TPCN2: variants seen among roughly 807,000 people sequenced by gnomAD.
TPCN2 encodes two pore channel protein 2.
In TPCN2, 92 loss-of-function variants were observed where a neutral mutation model predicts 111.4. The observed-to-expected ratio is 0.83, with a 90% CI of 0.70 to 0.98. The LOEUF (loss-of-function observed/expected upper bound fraction) is 0.98, where lower values mean the gene tolerates loss of function less well. Among genes scored for constraint, TPCN2 ranks in the 50% least tolerant of loss-of-function variants. The pLI is 0.00. For missense variants in TPCN2, 995 were observed against 980.1 expected, an observed-to-expected ratio of 1.02 and a Z score of -0.20; for synonymous variants, 405 against 414.5, an observed-to-expected ratio of 0.98 and a Z score of 0.28.
intron 5 of TPCN2, among the ~76,000 whole-genome samples, chr11:69,058,097 G>T (rs1854855317): frequency 2.0e-5 from 3 of 152,204 alleles, no homozygotes; most frequent in Non-Finnish European, 1.5e-5. Flanking sequence ...CAGTGAGAAA[G>T]CCCCCTCACC....
intron 11 of TPCN2, 111 bp downstream of exon 11, chr11:69,072,134 G>C (rs991624559): frequency 1.1e-6 from 1 of 883,598 alleles, no homozygotes; most frequent in Non-Finnish European, 1.7e-6. Context: ...CCTCGCCCCT[G>C]CTGGCTGGCA....
chr11:69,087,834 C>T (rs1345971431), intron 24 of TPCN2, 41 bp from the exon 25 acceptor site: 1 of 1,556,486 alleles, frequency 6.4e-7, no homozygotes, highest in Admixed American at 1.8e-5. Context: ...GGGTCTCCCT[C>T]CTTTAGAGGC....
chr11:69,075,730 G>A (rs1287952650), intron 13 of TPCN2, among the ~76,000 whole-genome samples: 3 of 152,210 alleles, frequency 2.0e-5, no homozygotes, highest in African/African-American at 4.8e-5. Flanking sequence ...CAGCCTGGCC[G>A]TGGCCAGGGA....
chr11:69,062,965 C>T lies in TPCN2; in HGVS notation c.628C>T (p.Arg210Cys), dbSNP rs540210379. ...GATGAAGAAGACCTTGAAATGCATCCGCTGGTCGCTGCCGGAAATGGCCAG... is the reference window on the plus strand; with the variant it reads ...GATGAAGAAGACCTTGAAATGCATCTGCTGGTCGCTGCCGGAAATGGCCAG... ...SMMKKTLKCIRWSLPEMASVG... is the reference protein window; with the variant it reads ...SMMKKTLKCICWSLPEMASVG... Residue 210 changes from arginine (R) to cysteine (C), a missense_variant, in exon 6 of 25, where the codon CGC (arginine) becomes TGC (cysteine). Transcript: ENST00000294309. 4 of 1,613,922 alleles carry T rather than the reference C, an allele frequency of 2.5e-6. No homozygotes were observed. The highest frequency in any genetic ancestry group is 1.1e-5 in the South Asian group (1 of 91,078).
chr11:69,078,379 T>G (rs999183092), intron 13 of TPCN2, 103 bp from the exon 14 acceptor site: 36 of 1,436,292 alleles, frequency 2.5e-5, no homozygotes, highest in East Asian at 1.7e-4. Context: ...GGAGATGGGG[T>G]AGGAAAAAAT....
intron 13 of TPCN2, 33 bp from the exon 14 acceptor site, chr11:69,078,449 C>T: frequency 6.2e-7 from 1 of 1,612,322 alleles, no homozygotes; most frequent in South Asian, 1.1e-5. Context: ...GGCTGCTGGC[C>T]TGTGCTTCTG....
chr11:69,076,538 GCCTGCCCTCCTGCTCTGTCCCTCCA>G (rs879893085), intron 13 of TPCN2, among the ~76,000 whole-genome samples: 71,444 of 145,010 alleles, frequency 0.49, 23,287 homozygotes, highest in Non-Finnish European at 0.61. Flanking sequence ...CGCAGGGGAG[GCCTGCCCTCCTGCTCTGTCCCTCCA>G]CCTGCCCTCC....
chr11:69,081,175 G>A (rs1855990901), intron 17 of TPCN2, among the ~76,000 whole-genome samples: 1 of 152,094 alleles, frequency 6.6e-6, no homozygotes, highest in Non-Finnish European at 1.5e-5. Context: ...TGGGGGGATG[G>A]GGGTCGCTCC....
chr11:69,085,190 C>T lies in TPCN2; in HGVS notation c.1762-20C>T. 5 of 1,613,518 alleles carry T rather than the reference C, an allele frequency of 3.1e-6. No homozygotes were observed. The highest frequency in any genetic ancestry group is 4.2e-6 in the Non-Finnish European group (5 of 1,179,480). The stretch of plus-strand genomic sequence containing the variant: ...CACCCATGGGTGGGGCTGATCAGTC[C>T]CCGGCTCCTGGCCCGCCAGGTGGTC... On this transcript the variant is annotated intron_variant, in intron 19 of 24. Transcript: ENST00000294309.
chr11:69,066,713 G>T (rs80164569), intron 7 of TPCN2, among the ~76,000 whole-genome samples: 4 of 152,282 alleles, frequency 2.6e-5, no homozygotes, highest in African/African-American at 9.6e-5. Context: ...AGGTTGCTTT[G>T]TGTGCCAAGT....
At chr11:69,083,924 G>A (rs1490591047) in intron 18 of TPCN2, 21 bp from the exon 19 acceptor site, 3 of 1,612,506 alleles carry the variant, frequency 1.9e-6, no homozygotes, top group Non-Finnish European at 2.5e-6. Flanking sequence ...AGTAAGGGCT[G>A]TGCTCTCTTC....
At position 69,087,981 on chromosome 11, in the gene TPCN2, G is replaced by C. The variant is rs765273045; in HGVS notation, c.*28G>C. 6.3e-7 allele frequency: 1 copy of C among 1,589,014 alleles called. No homozygotes were observed. The highest frequency in any genetic ancestry group is 8.6e-7 in the Non-Finnish European group (1 of 1,168,702). Reference sequence around the variant, plus strand: ...TCCGGGCTGCCGTCCCAGCAGGGGCGGCAGGAGAGAGAGGCTGGCCTACAC... The same window carrying C: ...TCCGGGCTGCCGTCCCAGCAGGGGCCGCAGGAGAGAGAGGCTGGCCTACAC... On this transcript the variant is annotated 3_prime_UTR_variant, in exon 25 of 25. Coordinates refer to ENST00000294309, the MANE Select transcript of TPCN2 (RefSeq NM_139075.4).
In TPCN2 at chr11:69,089,926, T is replaced by G. The variant is rs916713080; in HGVS notation, c.*1973T>G. On this transcript the variant is annotated 3_prime_UTR_variant, in exon 25 of 25. Coordinates refer to ENST00000294309, the MANE Select transcript of TPCN2 (RefSeq NM_139075.4). The stretch of plus-strand genomic sequence containing the variant: ...TCTTCTGCCTTTTGTGTTTTTTTTG[T>G]TATGTACCTACAGTTCTTTAGCTGT... 1.3e-5 allele frequency: 2 copies of G among 152,270 alleles called. No homozygotes were observed. The highest frequency in any genetic ancestry group is 3.9e-4 in the East Asian group (2 of 5,180). 9.4% of individuals were successfully genotyped at this position (152,270 alleles called of 1,614,324 possible). A position where few individuals can be genotyped will look rare whatever the true frequency, so the allele number is the denominator to read the frequency against.
At chr11:69,054,313 T>G in intron 2 of TPCN2, 1 of 591,180 alleles carries the variant, frequency 1.7e-6, no homozygotes. Flanking sequence ...TGCACCGTGT[T>G]CTGAGGCCTG....
At chr11:69,063,583 GCTCAGGTGGATGGAAGTGGC>G (rs1479951882) in intron 6 of TPCN2, among the ~76,000 whole-genome samples, 1 of 152,090 alleles carries the variant, frequency 6.6e-6, no homozygotes, top group East Asian at 1.9e-4. Context: ...TCACCATCCA[GCTCAGGTGGATGGAAGTGGC>G]CTCCCCTCTG....
At chr11:69,066,568 C>A (rs61887953) in intron 7 of TPCN2, among the ~76,000 whole-genome samples, 7,352 of 152,318 alleles carry the variant, frequency 0.048, 242 homozygotes, top group Non-Finnish European at 0.074. Context: ...GCTATTGATG[C>A]GGCTGTGAGG....
intron 23 of TPCN2, 76 bp downstream of exon 23, chr11:69,086,680 C>A: frequency 7.0e-7 from 1 of 1,428,260 alleles, no homozygotes. Flanking sequence ...CTGAGGCCAC[C>A]GGCCGGGCCT....
intron 19 of TPCN2, 68 bp downstream of exon 19, chr11:69,084,084 G>T: frequency 6.6e-7 from 1 of 1,507,594 alleles, no homozygotes; most frequent in Non-Finnish European, 9.2e-7. Flanking sequence ...CTGGCGGAAG[G>T]CAGTGCCGGG....
chr11:69,075,027 C>A (rs1304054881), intron 13 of TPCN2, among the ~76,000 whole-genome samples: 1 of 152,202 alleles, frequency 6.6e-6, no homozygotes, highest in Non-Finnish European at 1.5e-5. Flanking sequence ...TTGGCCGTGA[C>A]CCAGTAGAGC....
Sources: allele counts gnomAD v4.1 joint callset (sites outside exome capture counted in the v4.1 genomes callset), GRCh38; gene constraint gnomAD v4.1.1; transcripts MANE v1.5; gene names NCBI Gene and HGNC (gene_info 2026-07-23, HGNC 2026-07-21).